The following GALNT15 variants were observed in gnomAD, a reference collection of about 807,000 sequenced individuals.
GALNT15 encodes the protein polypeptide N-acetylgalactosaminyltransferase 15, also known as UDP-GalNAc transferase T15.
A neutral mutation model predicts 66.8 loss-of-function variants in GALNT15; 67 were observed. The observed-to-expected ratio is 1.00, with a 90% CI of 0.82 to 1.23. The LOEUF is 1.23. GALNT15 is among the 50% of genes most tolerant of loss of function. GALNT15 has a pLI of 0.00. For synonymous variants in GALNT15, 313 were observed against 311.5 expected, an observed-to-expected ratio of 1.00 and a Z score of -0.05; for missense variants, 827 against 804.3, an observed-to-expected ratio of 1.03 and a Z score of -0.34.
At chr3:16,223,719 G>A (rs1461910840) in intron 9 of GALNT15, among the ~76,000 whole-genome samples, 2 of 140,094 alleles carry the variant, frequency 1.4e-5, no homozygotes, top group African/African-American at 5.3e-5. Flanking sequence ...TTGGGACAGT[G>A]TCTCACTCTG....
chr3:16,233,979 A>G (rs1301303072), downstream of GALNT15, among the ~76,000 whole-genome samples: 1 of 152,176 alleles, frequency 6.6e-6, no homozygotes, highest in Non-Finnish European at 1.5e-5. Flanking sequence ...ATTACCCTAT[A>G]CAGTGGATTT....
chr3:16,175,553 C>G lies in GALNT15; in HGVS notation c.402C>G (p.Asp134Glu). Reference protein sequence around the residue: ...RRQDKEAPKRDWGADEDGEVS... With the variant: ...RRQDKEAPKREWGADEDGEVS... The stretch of plus-strand genomic sequence containing the variant: ...AGGATAAGGAAGCCCCAAAGAGGGA[C>G]TGGGGGGCTGATGAGGACGGGGAGG... Residue 134 changes from aspartate (D) to glutamate (E), a missense_variant, in exon 1 of 10, where the codon GAC becomes GAG. Physicochemically the swap from Asp to Glu is conservative, Grantham distance 45. Transcript: ENST00000339732. This position sits in a 1 kb window ranked among gnomAD's most constrained non-coding sequence, Gnocchi z 5.6. 2 of 1,614,052 alleles carry G rather than the reference C, an allele frequency of 1.2e-6. No homozygotes were observed. Among genetic ancestry groups the G allele is most frequent in the Non-Finnish European group, 1.7e-6 (2 of 1,179,972 alleles).
intron 8 of GALNT15, 78 bp downstream of exon 8, chr3:16,220,092 A>T: frequency 9.2e-7 from 1 of 1,089,192 alleles, no homozygotes; most frequent in Non-Finnish European, 1.4e-6. Flanking sequence ...GGGATGCCCC[A>T]TACTTCCCTT....
rs1186995414 is a variant in GALNT15 at position 16,204,018 on chromosome 3, C to T, written c.911+3195C>T. On this transcript the variant is annotated intron_variant, in intron 3 of 9. Coordinates refer to ENST00000339732, the MANE Select transcript of GALNT15 (RefSeq NM_054110.5). The surrounding 1 kb of genome is among the most constrained non-coding windows in gnomAD (Gnocchi z 4.5). ...CTGTCACCAGATGAGGACACAGTGC[C>T]CAAAAGACAGAAAAGGGTCTTTAAG... 6.6e-6 allele frequency among the ~76,000 whole-genome samples: 1 copy of T among 151,864 alleles called. No individual in the cohort carries two copies. Among genetic ancestry groups the T allele is most frequent in the Non-Finnish European group, 1.5e-5 (1 of 67,962 alleles).
At position 16,224,313 on chromosome 3, in the gene GALNT15, A is replaced by C. The variant is rs2063982134; in HGVS notation, c.1773+1555A>C. Among the ~76,000 whole-genome samples, 1 of 152,200 alleles carries C rather than the reference A, an allele frequency of 6.6e-6. No homozygotes were observed. On this transcript the variant is annotated intron_variant, in intron 9 of 9. Coordinates refer to ENST00000339732, the MANE Select transcript of GALNT15 (RefSeq NM_054110.5). The surrounding 1 kb of genome is among the most constrained non-coding windows in gnomAD (Gnocchi z 5.2). Reference sequence around the variant, plus strand: ...GAAGAGATAACAAAATGTGGCATACACATATTATTCAGCCTTAAAAAGGAA... The same window carrying C: ...GAAGAGATAACAAAATGTGGCATACCCATATTATTCAGCCTTAAAAAGGAA...
At position 16,188,537 on chromosome 3, in the gene GALNT15, G is replaced by A. The variant is rs2063540774; in HGVS notation, c.540-7223G>A. 6.6e-6 allele frequency among the ~76,000 whole-genome samples: 1 copy of A among 152,194 alleles called. No individual in the cohort carries two copies. The highest frequency in any genetic ancestry group is 2.4e-5 in the African/African-American group (1 of 41,440). Reference sequence around the variant, plus strand: ...TCTCGGGCTCACTGAAGCACCCACAGGGCAAGAGTCACATCTCCCTGGCTG... The same window carrying A: ...TCTCGGGCTCACTGAAGCACCCACAAGGCAAGAGTCACATCTCCCTGGCTG... On this transcript the variant is annotated intron_variant, in intron 1 of 9. Coordinates refer to ENST00000339732, the MANE Select transcript of GALNT15 (RefSeq NM_054110.5). The surrounding 1 kb of genome is among the most constrained non-coding windows in gnomAD (Gnocchi z 4.6).
At position 16,201,403 on chromosome 3, in the gene GALNT15, G is replaced by T. The variant is rs7639035; in HGVS notation, c.911+580G>T. 1.3e-5 allele frequency among the ~76,000 whole-genome samples: 2 copies of T among 151,862 alleles called. 1 individual carries two copies. The highest frequency in any genetic ancestry group is 4.2e-4 in the South Asian group (2 of 4,818). ...TCACCGTGTTAGCCAGGATGGTCTCGATCTCCTGACTTCGTGATCCGCCCT... is the reference window on the plus strand; with the variant it reads ...TCACCGTGTTAGCCAGGATGGTCTCTATCTCCTGACTTCGTGATCCGCCCT... On this transcript the variant is annotated intron_variant, in intron 3 of 9. Coordinates refer to ENST00000339732, the MANE Select transcript of GALNT15 (RefSeq NM_054110.5).
the GALNT15 span, among the ~76,000 whole-genome samples, chr3:16,240,464 T>C: frequency 6.6e-6 from 1 of 152,174 alleles, no homozygotes; most frequent in East Asian, 1.9e-4. Flanking sequence ...ATGGACTCCC[T>C]GGTTTCTGGG....
rs1387404360 is a variant in GALNT15, at chr3:16,209,716, G to C, written c.1079+1046G>C. On this transcript the variant is annotated intron_variant, in intron 4 of 9. Transcript: ENST00000339732. This position sits in a 1 kb window ranked among gnomAD's most constrained non-coding sequence, Gnocchi z 4.1. The stretch of plus-strand genomic sequence containing the variant: ...ACACTCCTGTAGTCCCAGTTACTTG[G>C]GAGGCTGAGGCACAAGAATCACTGG... Among the ~76,000 whole-genome samples the C allele has an allele frequency of 6.6e-6, 1 of 152,156 alleles. No individual in the cohort carries two copies. The highest frequency in any genetic ancestry group is 1.5e-5 in the Non-Finnish European group (1 of 68,030).
downstream of GALNT15, among the ~76,000 whole-genome samples, chr3:16,232,196 T>C (rs1440577283): frequency 6.6e-6 from 1 of 151,888 alleles, no homozygotes; most frequent in East Asian, 1.9e-4. Flanking sequence ...ATCTGACCCA[T>C]GTTGGGCCAA....
downstream of GALNT15, among the ~76,000 whole-genome samples, chr3:16,236,505 C>A (rs548777985): frequency 3.8e-4 from 58 of 152,300 alleles, no homozygotes; most frequent in Admixed American, 3.1e-3. Context: ...GTTTGCCACC[C>A]CCTGGACTAC....
chr3:16,242,740 C>A, the GALNT15 span, among the ~76,000 whole-genome samples: 4 of 152,178 alleles, frequency 2.6e-5, no homozygotes, highest in African/African-American at 9.7e-5. The surrounding 1 kb of genome is among the most constrained non-coding windows in gnomAD (Gnocchi z 5.6). Context: ...GATTGTGCCA[C>A]TGCCCTCCAG....
At chr3:16,215,424 G>A (rs1023299918) in intron 6 of GALNT15, among the ~76,000 whole-genome samples, 2 of 152,182 alleles carry the variant, frequency 1.3e-5, no homozygotes, top group Non-Finnish European at 2.9e-5. Flanking sequence ...AAAGAGAAGT[G>A]GGGAAAGAAC....
chr3:16,245,477 C>T, the GALNT15 span, among the ~76,000 whole-genome samples: 1 of 152,254 alleles, frequency 6.6e-6, no homozygotes, highest in Non-Finnish European at 1.5e-5. Context: ...GGAATCCTGC[C>T]ACAGGGCCCT....
chr3:16,202,326 A>G (rs2063712362), intron 3 of GALNT15, among the ~76,000 whole-genome samples: 1 of 152,170 alleles, frequency 6.6e-6, no homozygotes, highest in Non-Finnish European at 1.5e-5. Context: ...TAGGACAAGA[A>G]CTAGGACACA....
chr3:16,221,726 A>C (rs550875914), intron 8 of GALNT15, among the ~76,000 whole-genome samples: 1 of 152,328 alleles, frequency 6.6e-6, no homozygotes, highest in Admixed American at 6.5e-5. Flanking sequence ...AGGGGCTTTG[A>C]GTAGGAAACA....
chr3:16,227,837 C>G lies in GALNT15; in HGVS notation c.*337C>G. 7 of 1,060,274 alleles carry G rather than the reference C, an allele frequency of 6.6e-6. No individual in the cohort carries two copies. In the South Asian group the frequency reaches 2.4e-4, roughly 36 times the overall value. The allele number at this position is 1,060,274 out of a possible 1,614,324, so 65.7% of individuals were successfully genotyped here. On this transcript the variant is annotated 3_prime_UTR_variant, in exon 10 of 10. Transcript: ENST00000339732. The surrounding 1 kb of genome is among the most constrained non-coding windows in gnomAD (Gnocchi z 4.5). ...TGGCCTGGACATTCTCTGGCAGCAC[C>G]TCCAGGATACATAAATTCAATGGAT...
At chr3:16,243,835 G>T in the GALNT15 span, among the ~76,000 whole-genome samples, 1 of 152,174 alleles carries the variant, frequency 6.6e-6, no homozygotes. Context: ...GAGCTATTTG[G>T]TCATTTTCAC....
At position 16,200,366 on chromosome 3, in the gene GALNT15, G is replaced by A. The variant is rs1311150851; in HGVS notation, c.707-253G>A. Among the ~76,000 whole-genome samples, 1 of 152,176 alleles carries A rather than the reference G, an allele frequency of 6.6e-6. No individual in the cohort carries two copies. The highest frequency in any genetic ancestry group is 1.5e-5 in the Non-Finnish European group (1 of 68,032). On this transcript the variant is annotated intron_variant, in intron 2 of 9. Coordinates refer to ENST00000339732, the MANE Select transcript of GALNT15 (RefSeq NM_054110.5). The surrounding 1 kb of genome is among the most constrained non-coding windows in gnomAD (Gnocchi z 4.4). The stretch of plus-strand genomic sequence containing the variant: ...ATTCTTGCTGCTGCATTTGGAGAAT[G>A]TTAGCAAGTTCTCCCCTTTCCTGGT...
Sources: allele counts gnomAD v4.1 joint callset (sites outside exome capture counted in the v4.1 genomes callset), GRCh38; gene constraint gnomAD v4.1.1; non-coding constraint Gnocchi (gnomAD v3.1); transcripts MANE v1.5; gene names NCBI Gene and HGNC (gene_info 2026-07-23, HGNC 2026-07-21).